HECW2: variants seen among roughly 807,000 people sequenced by gnomAD.
The protein encoded by HECW2 is E3 ubiquitin-protein ligase HECW2.
A neutral mutation model predicts 175.2 loss-of-function variants in HECW2; 61 were observed. The observed-to-expected ratio is 0.35, with a 90% CI of 0.28 to 0.43. The LOEUF (loss-of-function observed/expected upper bound fraction) is 0.43. HECW2 is among the 20% of genes least tolerant of loss of function. HECW2 has a pLI of 1.00. For synonymous variants in HECW2, 671 were observed against 731.0 expected, an observed-to-expected ratio of 0.92 and a Z score of 1.32; for missense variants, 1,524 against 2,000.5, an observed-to-expected ratio of 0.76 and a Z score of 4.54.
intron 2 of HECW2, among the ~76,000 whole-genome samples, chr2:196,397,161 A>C (rs962840410): frequency 6.6e-6 from 1 of 151,930 alleles, no homozygotes; most frequent in African/African-American, 2.4e-5. Context: ...AAAATAAAAA[A>C]CCGTCTTTGG....
rs1692394943 is a variant in HECW2 at position 196,332,339 on chromosome 2, A to G, written c.495+2085T>C. Among the ~76,000 whole-genome samples, 10 of 152,340 alleles carry G rather than the reference A, an allele frequency of 6.6e-5. No homozygotes were observed. The South Asian group carries it at 2.1e-3, about 32-fold the overall frequency. On this transcript the variant is annotated intron_variant, in intron 4 of 28. Coordinates refer to ENST00000644978, the MANE Select transcript of HECW2 (RefSeq NM_001348768.2). ...ATGACCATCATGCTATTATAGAAAC[A>G]TAGTCCTGATCCCCAAAATGAGGTG...
At chr2:196,271,643 G>A (rs1417107737) in intron 16 of HECW2, among the ~76,000 whole-genome samples, 2 of 152,124 alleles carry the variant, frequency 1.3e-5, no homozygotes, top group African/African-American at 4.8e-5. Flanking sequence ...GGTAGCTCAC[G>A]CCTGTAACCC....
chr2:196,278,745 C>A (rs79695855), intron 14 of HECW2, 83 bp from the exon 15 acceptor site: 197,169 of 1,457,470 alleles, frequency 0.14, 16,333 homozygotes, highest in African/African-American at 0.35. Flanking sequence ...GGAAAAGACT[C>A]ACTTCTGAGT....
intron 20 of HECW2, among the ~76,000 whole-genome samples, 174 bp downstream of exon 20, chr2:196,241,910 G>A (rs1332057889): frequency 6.6e-6 from 1 of 152,168 alleles, no homozygotes; most frequent in African/African-American, 2.4e-5. Context: ...GCTTAATCAT[G>A]TTTCATTCCA....
intron 1 of HECW2, among the ~76,000 whole-genome samples, chr2:196,499,762 C>G (rs985823553): frequency 2.6e-5 from 4 of 152,160 alleles, no homozygotes; most frequent in African/African-American, 9.7e-5. Flanking sequence ...TCAGAAAGTA[C>G]TTACTATAAA....
intron 2 of HECW2, among the ~76,000 whole-genome samples, chr2:196,405,904 T>C (rs997057642): frequency 2.0e-5 from 3 of 152,176 alleles, no homozygotes; most frequent in East Asian, 1.9e-4. Flanking sequence ...CCTTGACACA[T>C]TGCCAAGCCC....
intron 1 of HECW2, among the ~76,000 whole-genome samples, chr2:196,437,086 G>C (rs1021799023): frequency 6.6e-6 from 1 of 152,058 alleles, no homozygotes; most frequent in African/African-American, 2.4e-5. Context: ...AACTGAGAAA[G>C]ATTTGTGAGG....
At chr2:196,391,085 G>A (rs1262864401) in intron 2 of HECW2, among the ~76,000 whole-genome samples, 1 of 152,046 alleles carries the variant, frequency 6.6e-6, no homozygotes, top group Non-Finnish European at 1.5e-5. Flanking sequence ...TAGTCAACAG[G>A]GAGCACCAGC....
intron 1 of HECW2, among the ~76,000 whole-genome samples, chr2:196,498,541 C>A (rs1468123971): frequency 6.6e-6 from 1 of 152,170 alleles, no homozygotes; most frequent in African/African-American, 2.4e-5. Context: ...CTGATTCCTG[C>A]ATATAGGCCA....
chr2:196,431,726 T>C (rs916675859), intron 2 of HECW2, among the ~76,000 whole-genome samples: 1 of 152,216 alleles, frequency 6.6e-6, no homozygotes, highest in African/African-American at 2.4e-5. Flanking sequence ...CTCAATTTGA[T>C]TATATTTTAA....
At chr2:196,320,039 C>T (rs894650645) in intron 8 of HECW2, 135 bp from the exon 9 acceptor site, 6 of 868,350 alleles carry the variant, frequency 6.9e-6, no homozygotes, top group African/African-American at 3.4e-5. Context: ...TGCTAAGATT[C>T]ACCACTCACT....
intron 14 of HECW2, among the ~76,000 whole-genome samples, chr2:196,281,688 ATACT>A (rs1172391927): frequency 7.3e-5 from 11 of 151,174 alleles, no homozygotes; most frequent in African/African-American, 2.7e-4. Flanking sequence ...TTTTACCGAA[ATACT>A]TAAGATTTGG....
At chr2:196,426,161 A>T (rs946688824) in intron 2 of HECW2, among the ~76,000 whole-genome samples, 19 of 152,268 alleles carry the variant, frequency 1.2e-4, no homozygotes, top group African/African-American at 3.6e-4. Flanking sequence ...AGTTTTTTTT[A>T]GACATAGTGC....
At chr2:196,288,811 A>G (rs1195754950) in intron 14 of HECW2, 1 of 152,244 alleles carries the variant, frequency 6.6e-6, no homozygotes, top group East Asian at 1.9e-4. Flanking sequence ...TCTTCATGAT[A>G]ATTGCTGAAG....
Position 196,319,313 on chromosome 2 carries a change from A to G in HECW2, c.1577T>C (p.Phe526Ser). Residue 526 changes from phenylalanine (F) to serine (S), a missense_variant, in exon 9 of 29, where the codon TTT (phenylalanine) becomes TCT (serine). By Grantham distance (155) the Phe-to-Ser change is radical. This residue lies in a region of HECW2 where 604 missense variants were observed against 588.3 expected (regional missense o/e 1.03). Coordinates refer to ENST00000644978, the MANE Select transcript of HECW2 (RefSeq NM_001348768.2). ...EEASTHEAAS[F>S]EDKPENLPEL... ...TGGAAGATTTTCTGGCTTATCCTCA[A>G]AGGAAGCAGCTTCGTGTGTGGAGGC... 1 of 1,613,700 alleles carries G rather than the reference A, an allele frequency of 6.2e-7. No homozygotes were observed. The highest frequency in any genetic ancestry group is 8.5e-7 in the Non-Finnish European group (1 of 1,179,878).
chr2:196,419,268 T>G (rs981702377), intron 2 of HECW2, among the ~76,000 whole-genome samples: 4 of 151,950 alleles, frequency 2.6e-5, no homozygotes, highest in African/African-American at 9.7e-5. Context: ...ACCCACAGAG[T>G]GGGCGATTTT....
Position 196,334,456 on chromosome 2 carries a change from G to C in HECW2, c.463C>G (p.Pro155Ala). 2 of 1,610,514 alleles carry C rather than the reference G, an allele frequency of 1.2e-6. No homozygotes were observed. Among genetic ancestry groups the C allele is most frequent in the Non-Finnish European group, 1.7e-6 (2 of 1,178,576 alleles). Residue 155 changes from proline (P) to alanine (A), a missense_variant, in exon 4 of 29, where the codon CCC becomes GCC. By Grantham distance (27) the Pro-to-Ala change is conservative. Coordinates refer to ENST00000644978, the MANE Select transcript of HECW2 (RefSeq NM_001348768.2). Reference protein sequence around the residue: ...GISGALRATTPCITVKNPAVM... With the variant: ...GISGALRATTACITVKNPAVM... ...GCTGGGTTCTTCACGGTGATGCAGG[G>C]GGTCGTGGCTCGCAGGGCTCCACTA...
intron 2 of HECW2, among the ~76,000 whole-genome samples, chr2:196,382,300 A>G (rs1328456982): frequency 6.6e-6 from 1 of 151,912 alleles, no homozygotes; most frequent in African/African-American, 2.4e-5. Context: ...TGAAAGAATA[A>G]ACCTGAAACT....
At chr2:196,503,878 C>T (rs1687658370) in intron 1 of HECW2, among the ~76,000 whole-genome samples, 1 of 152,140 alleles carries the variant, frequency 6.6e-6, no homozygotes, top group African/African-American at 2.4e-5. Flanking sequence ...CTTTTCCCAC[C>T]ACAGGCTTTA....
Sources: gnomAD v4.1 joint callset for allele counts (sites outside exome capture counted in the v4.1 genomes callset) on GRCh38, gnomAD v4.1.1 for gene constraint, gnomAD v4.1.1 regional missense constraint, MANE v1.5 for transcripts, NCBI Gene and HGNC (gene_info 2026-07-23, HGNC 2026-07-21) for gene names.